The following ADAM11 variants were observed in gnomAD, a reference collection of about 807,000 sequenced individuals.
ADAM11 encodes ADAM metallopeptidase domain 11.
In ADAM11, 49 loss-of-function variants were observed where a neutral mutation model predicts 119.1. The ratio of observed to expected loss-of-function variants is 0.41; its 90% CI spans 0.33 to 0.52. The LOEUF (loss-of-function observed/expected upper bound fraction) is 0.52, where lower values mean the gene tolerates loss of function less well. ADAM11 is among the 20% of genes least tolerant of loss of function. The pLI is 0.20. For synonymous variants in ADAM11, 364 were observed against 408.0 expected (o/e 0.89, Z 1.30); for missense variants, 777 against 1,047.5 (o/e 0.74, Z 3.56).
At position 44,777,234 on chromosome 17, in the gene ADAM11, A is replaced by G; in HGVS notation, c.1750A>G (p.Lys584Glu). Reference sequence around the variant, plus strand: ...GACGGAGCGTGGGAGCTGTGGGCGCAAGGGATCTGGCTGGGTCCAGTGCAG... The same window carrying G: ...GACGGAGCGTGGGAGCTGTGGGCGCGAGGGATCTGGCTGGGTCCAGTGCAG... ...EGTERGSCGR[K>E]GSGWVQCSKQ... is the part of the protein sequence containing the mutation. Residue 584 changes from lysine to glutamate, a missense_variant, in exon 21 of 27, where the codon AAG becomes GAG. Lys to Glu is a moderately conservative substitution (Grantham distance 56, BLOSUM62 1). Transcript: ENST00000200557. This position sits in a 1 kb window ranked among gnomAD's most constrained non-coding sequence, Gnocchi z 5.1. 6.2e-7 allele frequency: 1 copy of G among 1,608,520 alleles called. No individual in the cohort carries two copies. The highest frequency in any genetic ancestry group is 8.5e-7 in the Non-Finnish European group (1 of 1,179,494).
chr17:44,774,878 C>A (rs2049577218), intron 14 of ADAM11, 129 bp downstream of exon 14: 3 of 1,206,938 alleles, frequency 2.5e-6, no homozygotes, highest in Non-Finnish European at 3.4e-6. Context: ...TCCCAAGAAG[C>A]CCAGTTTTCC....
chr17:44,776,224 C>T lies in ADAM11; in HGVS notation c.1566+17C>T, dbSNP rs1351806536. ...TCTAGCCAGGTCCGCCCGGCCCCGC[C>T]GTCTTGTGGAGCCCTGGGCGAGGCA... On this transcript the variant is annotated intron_variant, in intron 18 of 26. Transcript: ENST00000200557. This position sits in a 1 kb window ranked among gnomAD's most constrained non-coding sequence, Gnocchi z 5.2. 4 of 1,612,982 alleles carry T rather than the reference C, an allele frequency of 2.5e-6. No individual in the cohort carries two copies. In the Admixed American group the frequency reaches 5.0e-5, roughly 20 times the overall value.
At position 44,773,509 on chromosome 17, in the gene ADAM11, G is replaced by A; in HGVS notation, c.992+82G>A. Reference sequence around the variant, plus strand: ...GATTACTTAACACCTGCCCTGTGCTGGCTGCTCCTCTCAGAGTCTGGGGAC... The same window carrying A: ...GATTACTTAACACCTGCCCTGTGCTAGCTGCTCCTCTCAGAGTCTGGGGAC... On this transcript the variant is annotated intron_variant, in intron 11 of 26. Coordinates refer to ENST00000200557, the MANE Select transcript of ADAM11 (RefSeq NM_002390.6). The surrounding 1 kb of genome is among the most constrained non-coding windows in gnomAD (Gnocchi z 4.6). The A allele has an allele frequency of 6.6e-7, 1 of 1,505,630 alleles. No homozygotes were observed. Among genetic ancestry groups the A allele is most frequent in the African/African-American group, 1.4e-5 (1 of 72,910 alleles). 93.3% of individuals were successfully genotyped at this position (1,505,630 alleles called of 1,614,324 possible). A position where few individuals can be genotyped will look rare whatever the true frequency, so the allele number is the denominator to read the frequency against.
chr17:44,770,583 C>A (rs2049511766), intron 4 of ADAM11, among the ~76,000 whole-genome samples: 1 of 152,112 alleles, frequency 6.6e-6, no homozygotes, highest in Non-Finnish European at 1.5e-5. Context: ...CTGGTCCCCC[C>A]AGCCCCAACC....
chr17:44,763,012 T>C (rs2049407482), intron 2 of ADAM11, among the ~76,000 whole-genome samples: 1 of 150,866 alleles, frequency 6.6e-6, no homozygotes, highest in Non-Finnish European at 1.5e-5. Flanking sequence ...GCTGCGCACC[T>C]GTAGTCCCAG....
At chr17:44,759,429 C>T (rs2049361636) in intron 1 of ADAM11, 169 bp downstream of exon 1, 8 of 1,249,862 alleles carry the variant, frequency 6.4e-6, no homozygotes, top group Non-Finnish European at 8.0e-6. Flanking sequence ...ACCCACCTGT[C>T]CCCAGCTGGC....
intron 2 of ADAM11, among the ~76,000 whole-genome samples, chr17:44,764,848 C>A: frequency 6.6e-6 from 1 of 152,192 alleles, no homozygotes; most frequent in Middle Eastern, 3.4e-3. Flanking sequence ...TCTGAGTGTC[C>A]GGACAGGGTG....
In ADAM11 at chr17:44,779,023, G is replaced by A. The variant is rs867855705; in HGVS notation, c.2277-199G>A. Among the ~76,000 whole-genome samples, 21 of 152,348 alleles carry A rather than the reference G, an allele frequency of 1.4e-4. No individual in the cohort carries two copies. In the South Asian group the frequency reaches 1.4e-3, roughly 11 times the overall value. ...GTCACATGATTGAGTTAGTAGCAGA[G>A]TCAGAGCTGGAACCGGGACGCATTT... is the stretch of plus-strand genomic sequence containing the variant. On this transcript the variant is annotated intron_variant, in intron 25 of 26. Coordinates refer to ENST00000200557, the MANE Select transcript of ADAM11 (RefSeq NM_002390.6).
At position 44,774,298 on chromosome 17, in the gene ADAM11, C is replaced by A; in HGVS notation, c.996C>A (p.Gly332=). ...EPSDATHLFS[G]RTFQSTSSGA... is the part of the protein sequence containing the mutation. The stretch of plus-strand genomic sequence containing the variant: ...CTGACAGCGCACTCCCTTCCAGGGG[C>A]AGGACCTTCCAGAGCACGAGCAGCG... Residue 332 remains glycine, a synonymous_variant, in exon 12 of 27, where the codon GGC becomes GGA. Coordinates refer to ENST00000200557, the MANE Select transcript of ADAM11 (RefSeq NM_002390.6). 6.8e-7 allele frequency: 1 copy of A among 1,467,068 alleles called. No homozygotes were observed. The highest frequency in any genetic ancestry group is 2.5e-5 in the East Asian group (1 of 39,810). The allele number at this position is 1,467,068 out of a possible 1,614,324, so 90.9% of individuals were successfully genotyped here. A position where few individuals can be genotyped will look rare whatever the true frequency, so the allele number is the denominator to read the frequency against.
rs202023224 is a variant in ADAM11, at chr17:44,777,720, G to A, written c.1927G>A (p.Gly643Ser). ...GGGAGGCCACGTGCAGCTGGCGGAC[G>A]GCTCTGACCTGAGCTATGTGGAGGA... ...CRGGHVQLAD[G>S]SDLSYVEDGT... The change falls in exon 23 of 27, where the codon GGC becomes AGC. Residue 643 changes from glycine to serine, a missense_variant. By Grantham distance (56) the Gly-to-Ser change is moderately conservative (BLOSUM62 0). Transcript: ENST00000200557. The surrounding 1 kb of genome is among the most constrained non-coding windows in gnomAD (Gnocchi z 5.1). 24 of 1,613,870 alleles carry A rather than the reference G, an allele frequency of 1.5e-5. No homozygotes were observed. In the African/African-American group the frequency reaches 1.7e-4, roughly 12 times the overall value.
At chr17:44,759,526 C>T in intron 1 of ADAM11, 196 bp from the exon 2 acceptor site, 2 of 1,243,494 alleles carry the variant, frequency 1.6e-6, no homozygotes, top group Non-Finnish European at 2.0e-6. Context: ...GCAGTCGTGA[C>T]GGTTGGGCGG....
At chr17:44,761,986 C>T (rs1159629459) in intron 2 of ADAM11, among the ~76,000 whole-genome samples, 3 of 152,128 alleles carry the variant, frequency 2.0e-5, no homozygotes, top group Non-Finnish European at 2.9e-5. Flanking sequence ...CCATGCCTGG[C>T]TAATTTTTTG....
Position 44,776,105 on chromosome 17 carries a change from G to GA in ADAM11, c.1486-21dup. On this transcript the variant is annotated intron_variant, in intron 17 of 26. Coordinates refer to ENST00000200557, the MANE Select transcript of ADAM11 (RefSeq NM_002390.6). This position sits in a 1 kb window ranked among gnomAD's most constrained non-coding sequence, Gnocchi z 5.2. ...CCGAGGCATCCATCCTGCCTGACTCGAGGAGCGCGTCTCTTCCCTAGTACG... is the reference window on the plus strand; with the variant it reads ...CCGAGGCATCCATCCTGCCTGACTCGAAGGAGCGCGTCTCTTCCCTAGTACG... The GA allele has an allele frequency of 6.2e-7, 1 of 1,613,136 alleles. No homozygotes were observed. Among genetic ancestry groups the GA allele is most frequent in the Non-Finnish European group, 8.5e-7 (1 of 1,179,678 alleles).
Position 44,776,184 on chromosome 17 carries a change from AC to A in ADAM11, c.1545del (p.Cys516AlafsTer56). 6.2e-7 allele frequency: 1 copy of A among 1,613,258 alleles called. No individual in the cohort carries two copies. The highest frequency in any genetic ancestry group is 8.5e-7 in the Non-Finnish European group (1 of 1,179,884). On this transcript the variant is annotated frameshift_variant, in exon 18 of 27. Coordinates refer to ENST00000200557, the MANE Select transcript of ADAM11 (RefSeq NM_002390.6). LOFTEE classifies it high-confidence loss of function. The surrounding 1 kb of genome is among the most constrained non-coding windows in gnomAD (Gnocchi z 5.2). ...EAVNECDIAE[T>X]CTGDSSQCPP... ...CGTGAACGAGTGCGACATCGCGGAG[AC>A]CTGCACCGGGGACTCTAGCCAGGTC...
At chr17:44,769,655 C>A (rs181456844) in intron 2 of ADAM11, 63 bp from the exon 3 acceptor site, 2 of 1,118,428 alleles carry the variant, frequency 1.8e-6, no homozygotes. Context: ...CTCCCGGGAT[C>A]CCCCCGACTC....
chr17:44,772,549 A>G lies in ADAM11; in HGVS notation c.678+83A>G. 1 of 1,477,620 alleles carries G rather than the reference A, an allele frequency of 6.8e-7. No homozygotes were observed. The highest frequency in any genetic ancestry group is 9.2e-7 in the Non-Finnish European group (1 of 1,092,240). 91.5% of individuals were successfully genotyped at this position (1,477,620 alleles called of 1,614,324 possible). ...AGGCCGTGGCCCAGAGCAGGAGGGCACCCTCATCTATGGCTGGGGCGAAGG... is the reference window on the plus strand; with the variant it reads ...AGGCCGTGGCCCAGAGCAGGAGGGCGCCCTCATCTATGGCTGGGGCGAAGG... On this transcript the variant is annotated intron_variant, in intron 8 of 26. Transcript: ENST00000200557. The surrounding 1 kb of genome is among the most constrained non-coding windows in gnomAD (Gnocchi z 4.5).
rs940794840 is a variant in ADAM11, at chr17:44,772,211, GTGGGCCTGGAGCAGGCCCAGT to G, written c.544-52_544-32del. 24 of 1,506,822 alleles carry G rather than the reference GTGGGCCTGGAGCAGGCCCAGT, an allele frequency of 1.6e-5. No homozygotes were observed. The highest frequency in any genetic ancestry group is 2.2e-5 in the Non-Finnish European group (24 of 1,100,562). The allele number at this position is 1,506,822 out of a possible 1,614,324, so 93.3% of individuals were successfully genotyped here. ...GAGGGCTGGATCTGGCCCCCGCCAA[GTGGGCCTGGAGCAGGCCCAGT>G]TGGCACCCCAAGAACTAATTTCCCC... On this transcript the variant is annotated intron_variant, in intron 6 of 26. Transcript: ENST00000200557. The surrounding 1 kb of genome is among the most constrained non-coding windows in gnomAD (Gnocchi z 4.5).
rs1203815666 is a variant in ADAM11 at position 44,781,008 on chromosome 17, C to T, written c.*1254C>T. ...TCCTGCCGGTGGCCTTCCCTCATGA[C>T]CCTTGCTTGGGAGGGTGGAGCACTG... On this transcript the variant is annotated 3_prime_UTR_variant, in exon 27 of 27. Coordinates refer to ENST00000200557, the MANE Select transcript of ADAM11 (RefSeq NM_002390.6). 6.6e-6 allele frequency: 1 copy of T among 152,596 alleles called. No homozygotes were observed. The highest frequency in any genetic ancestry group is 1.5e-5 in the Non-Finnish European group (1 of 68,074). The allele number at this position is 152,596 out of a possible 1,614,324, so 9.5% of individuals were successfully genotyped here. A position where few individuals can be genotyped will look rare whatever the true frequency, so the allele number is the denominator to read the frequency against.
intron 26 of ADAM11, 179 bp from the exon 27 acceptor site, chr17:44,779,560 G>C: frequency 1.0e-6 from 1 of 985,380 alleles, no homozygotes; most frequent in African/African-American, 1.7e-5. Flanking sequence ...CTCCCTGTGC[G>C]TCCCATCTGT....
Sources: allele counts gnomAD v4.1 joint callset (sites outside exome capture counted in the v4.1 genomes callset), GRCh38; gene constraint gnomAD v4.1.1; non-coding constraint Gnocchi (gnomAD v3.1); transcripts MANE v1.5; gene names NCBI Gene and HGNC (gene_info 2026-07-23, HGNC 2026-07-21).